Variants in AMOTL1 observed in about 807,000 individuals in gnomAD.
The protein encoded by AMOTL1 is angiomotin-like protein 1.
A neutral mutation model predicts 102.9 loss-of-function variants in AMOTL1; 45 were observed. The ratio of observed to expected loss-of-function variants is 0.44; its 90% CI spans 0.34 to 0.56. AMOTL1 has a LOEUF of 0.56. Ranked by LOEUF, AMOTL1 falls within the 20% of genes least tolerant of loss-of-function variation. The pLI is 0.01. For missense variants in AMOTL1, 1,114 were observed against 1,225.6 expected (o/e 0.91, Z 1.36); for synonymous variants, 481 against 484.7 (o/e 0.99, Z 0.10).
upstream of AMOTL1, among the ~76,000 whole-genome samples, chr11:94,766,925 C>T (rs113629491): frequency 4.6e-5 from 7 of 152,268 alleles, no homozygotes; most frequent in African/African-American, 1.7e-4. Context: ...AAAACGCTTT[C>T]CTCTATGCCT....
intron 1 of AMOTL1, among the ~76,000 whole-genome samples, chr11:94,771,587 G>T (rs1220646839): frequency 6.6e-6 from 1 of 152,032 alleles, no homozygotes; most frequent in Non-Finnish European, 1.5e-5. Flanking sequence ...TGAAGGAGAG[G>T]TACAATGTAA....
At chr11:94,750,392 C>T (rs1002945484) in intron 3 of AMOTL1, among the ~76,000 whole-genome samples, 3 of 152,192 alleles carry the variant, frequency 2.0e-5, no homozygotes, top group African/African-American at 7.2e-5. Flanking sequence ...GGAGGCTTGG[C>T]CTTTGCTTAC....
At chr11:94,819,528 A>G (rs915687035) in intron 3 of AMOTL1, among the ~76,000 whole-genome samples, 6 of 152,210 alleles carry the variant, frequency 3.9e-5, no homozygotes, top group Non-Finnish European at 1.5e-5. Context: ...GTGAAAAGCT[A>G]ATCAGAGACT....
intron 6 of AMOTL1, among the ~76,000 whole-genome samples, chr11:94,847,083 T>C (rs333010): frequency 0.14 from 21,761 of 152,208 alleles, 3,466 homozygotes; most frequent in African/African-American, 0.39. Context: ...CTAAAGTCAC[T>C]AAATTCAGGA....
intron 1 of AMOTL1, among the ~76,000 whole-genome samples, chr11:94,776,545 G>A (rs1400391111): frequency 2.0e-5 from 3 of 152,198 alleles, no homozygotes; most frequent in Non-Finnish European, 4.4e-5. Context: ...AGACAGGGAT[G>A]ATAGATATCT....
In AMOTL1 at chr11:94,746,154, G is replaced by A. The variant is rs142949923; in HGVS notation, c.136+5166G>A. ...TCACCAAAAAGGGGATTTTTTAAAA[G>A]GCAGTAGAGAAAGGGGTGTGTCTCT... is the stretch of plus-strand genomic sequence containing the variant. On this transcript the variant is annotated intron_variant, in intron 3 of 4. Transcript: ENST00000299004. 8.1e-3 allele frequency among the ~76,000 whole-genome samples: 1,236 copies of A among 152,300 alleles called. 21 individuals are homozygous for A. Among genetic ancestry groups the A allele is most frequent in the African/African-American group, 0.028 (1,156 of 41,544 alleles).
intron 4 of AMOTL1, among the ~76,000 whole-genome samples, chr11:94,826,950 G>A (rs1452041787): frequency 6.6e-6 from 1 of 152,132 alleles, no homozygotes; most frequent in Admixed American, 6.5e-5. Context: ...TAGGATTTGA[G>A]ATAGTAAACT....
chr11:94,710,428 TTTC>T lies in AMOTL1; in HGVS notation c.-51+3840_-51+3842del, dbSNP rs150002963. ...AAAGTATCTAGACATGTCTTCTCAG[TTTC>T]TTCTTCTTTAAAATCTGGATAGTAA... is the stretch of plus-strand genomic sequence containing the variant. On this transcript the variant is annotated intron_variant, in intron 1 of 4. Transcript: ENST00000299004. 3.7e-3 allele frequency among the ~76,000 whole-genome samples: 560 copies of T among 152,308 alleles called. 6 individuals are homozygous for T. Among genetic ancestry groups the T allele is most frequent in the African/African-American group, 0.013 (525 of 41,564 alleles).
intron 8 of AMOTL1, among the ~76,000 whole-genome samples, chr11:94,858,068 A>G (rs1448466775): frequency 6.6e-6 from 1 of 152,196 alleles, no homozygotes; most frequent in Non-Finnish European, 1.5e-5. Context: ...TTCTGCAAAA[A>G]TAAGCCAGCT....
intron 2 of AMOTL1, among the ~76,000 whole-genome samples, chr11:94,739,079 A>G (rs1950480523): frequency 1.3e-5 from 2 of 152,244 alleles, no homozygotes; most frequent in African/African-American, 4.8e-5. Context: ...GAGGTAGAAC[A>G]ACCAGAGGAT....
chr11:94,735,732 A>G (rs1180680242), intron 2 of AMOTL1, among the ~76,000 whole-genome samples: 2 of 152,218 alleles, frequency 1.3e-5, no homozygotes, highest in African/African-American at 2.4e-5. Flanking sequence ...ACACATAAGA[A>G]GTTGTGGATG....
chr11:94,823,711 A>G (rs928035335), intron 4 of AMOTL1, among the ~76,000 whole-genome samples: 1 of 148,628 alleles, frequency 6.7e-6, no homozygotes, highest in African/African-American at 2.5e-5. Context: ...CCTTTTTATT[A>G]ACATGTACTT....
At chr11:94,719,294 A>C (rs1038417881) in intron 1 of AMOTL1, among the ~76,000 whole-genome samples, 2 of 152,062 alleles carry the variant, frequency 1.3e-5, no homozygotes, top group African/African-American at 4.8e-5. Context: ...ATTTGGAAAA[A>C]GAAGTACTCA....
chr11:94,762,029 A>G (rs1010146340), intron 3 of AMOTL1, among the ~76,000 whole-genome samples: 2 of 152,182 alleles, frequency 1.3e-5, no homozygotes. Context: ...GAAACTCCTT[A>G]TTTTTAATAG....
At chr11:94,848,155 T>A (rs1952456840) in intron 6 of AMOTL1, among the ~76,000 whole-genome samples, 1 of 152,138 alleles carries the variant, frequency 6.6e-6, no homozygotes, top group African/African-American at 2.4e-5. Context: ...AAGAGTGAGG[T>A]GCTTTGATCC....
intron 2 of AMOTL1, among the ~76,000 whole-genome samples, chr11:94,797,389 G>T (rs776992192): frequency 6.6e-6 from 1 of 152,368 alleles, no homozygotes; most frequent in East Asian, 1.9e-4. Context: ...TGGAGCTCAT[G>T]TAGGTATTCT....
At chr11:94,820,212 A>G (rs1378338156) in intron 3 of AMOTL1, 1 of 151,978 alleles carries the variant, frequency 6.6e-6, no homozygotes, top group East Asian at 2.0e-4. Flanking sequence ...ATACAAAATG[A>G]ATCCCAATTT....
intron 1 of AMOTL1, among the ~76,000 whole-genome samples, chr11:94,787,093 T>C (rs940356031): frequency 2.0e-5 from 3 of 151,990 alleles, no homozygotes; most frequent in African/African-American, 7.3e-5. Context: ...TTTAATACAT[T>C]ATGATATCAG....
At chr11:94,755,065 A>C (rs1219486585) in intron 3 of AMOTL1, among the ~76,000 whole-genome samples, 2 of 152,216 alleles carry the variant, frequency 1.3e-5, no homozygotes, top group African/African-American at 4.8e-5. Context: ...ACTTGACTCC[A>C]TTTAGGTGCT....
Sources: allele counts gnomAD v4.1 joint callset (sites outside exome capture counted in the v4.1 genomes callset), GRCh38; gene constraint gnomAD v4.1.1; transcripts MANE v1.5; gene names NCBI Gene and HGNC (gene_info 2026-07-23, HGNC 2026-07-21).